Variants in GRID1 observed in about 807,000 individuals in gnomAD.
The protein encoded by GRID1 is glutamate receptor ionotropic, delta-1.
In GRID1, 28 loss-of-function variants were observed where a neutral mutation model predicts 98.0. The ratio of observed to expected loss-of-function variants is 0.29; its 90% confidence interval spans 0.21 to 0.39. GRID1 has a LOEUF of 0.39. Ranked by LOEUF, GRID1 falls within the 10% of genes least tolerant of loss-of-function variation. GRID1 has a pLI of 1.00. For synonymous variants in GRID1, 553 were observed against 538.5 expected (o/e 1.03, Z -0.37); for missense variants, 1,111 against 1,340.5 (o/e 0.83, Z 2.67).
At position 86,079,882 on chromosome 10, in the gene GRID1, G is replaced by T. The variant is rs534497254; in HGVS notation, c.726+58937C>A. 3.6e-3 allele frequency among the ~76,000 whole-genome samples: 544 copies of T among 152,244 alleles called. 2 individuals are homozygous for T. The highest frequency in any genetic ancestry group is 0.01 in the Middle Eastern group (3 of 294). ...TTTCCTTTCTGTAGACAATACTCTG[G>T]TTAACCTCCCTAGCAGTGGGTGCAA... On this transcript the variant is annotated intron_variant, in intron 4 of 15. Coordinates refer to ENST00000327946, the MANE Select transcript of GRID1 (RefSeq NM_017551.3).
chr10:85,821,154 TA>T (rs892507767), intron 8 of GRID1, among the ~76,000 whole-genome samples: 20 of 146,218 alleles, frequency 1.4e-4, no homozygotes, highest in South Asian at 2.2e-4. Context: ...GAAGAAAGAG[TA>T]AAAAAAAAGC....
intron 2 of GRID1, among the ~76,000 whole-genome samples, chr10:86,337,083 C>T (rs1164053659): frequency 6.6e-6 from 1 of 151,832 alleles, no homozygotes; most frequent in African/African-American, 2.4e-5. Context: ...GATCTCCTGA[C>T]CTCGTGATCC....
chr10:86,347,790 A>C lies in GRID1; in HGVS notation c.235+16151T>G, dbSNP rs1848406467. ...CCAAATGAGAGTTTCTGACACCAGC[A>C]TGATTATTATGACTCACATGGAGGG... On this transcript the variant is annotated intron_variant, in intron 2 of 15. Coordinates refer to ENST00000327946, the MANE Select transcript of GRID1 (RefSeq NM_017551.3). Among the ~76,000 whole-genome samples, 3 of 152,222 alleles carry C rather than the reference A, an allele frequency of 2.0e-5. No individual in the cohort carries two copies. In the South Asian group the frequency reaches 6.2e-4, roughly 32 times the overall value.
In GRID1 at chr10:86,366,362, A is replaced by T. The variant is rs2132126977; in HGVS notation, c.31T>A (p.Trp11Arg). MEALTLWLLP[W>R]ICQCVSVRAD... ...CGCACCGACACGCACTGGCATATCC[A>T]GGGGAGAAGCCACAGCGTCAGCGCT... The change falls in exon 1 of 16, where the codon TGG becomes AGG. Residue 11 changes from tryptophan (W) to arginine (R), a missense_variant. By Grantham distance (101) the Trp-to-Arg change is moderately radical. Around this residue, in one of 3 missense-constraint regions of GRID1, gnomAD observed 346 missense variants for 452.3 expected, o/e 0.76. Coordinates refer to ENST00000327946, the MANE Select transcript of GRID1 (RefSeq NM_017551.3). The surrounding 1 kb of genome is among the most constrained non-coding windows in gnomAD (Gnocchi z 4.1). 1.3e-6 allele frequency: 2 copies of T among 1,521,506 alleles called. No homozygotes were observed. Among genetic ancestry groups the T allele is most frequent in the East Asian group, 2.7e-5 (1 of 37,640 alleles). 94.3% of individuals were successfully genotyped at this position (1,521,506 alleles called of 1,614,324 possible).
At chr10:85,999,075 T>G (rs1218938244) in intron 4 of GRID1, among the ~76,000 whole-genome samples, 1 of 151,914 alleles carries the variant, frequency 6.6e-6, no homozygotes, top group Non-Finnish European at 1.5e-5. Flanking sequence ...TAGCTGGATG[T>G]GGTGGTGCAC....
intron 8 of GRID1, among the ~76,000 whole-genome samples, chr10:85,810,884 C>G (rs1370437150): frequency 2.0e-5 from 3 of 152,100 alleles, no homozygotes; most frequent in African/African-American, 7.2e-5. Context: ...GGAGTAATAA[C>G]CCAGAGACCC....
At chr10:85,819,554 T>C (rs2131749812) in intron 8 of GRID1, among the ~76,000 whole-genome samples, 1 of 152,302 alleles carries the variant, frequency 6.6e-6, no homozygotes, top group South Asian at 2.1e-4. Flanking sequence ...CCTGATATGA[T>C]ACAATGAGAA....
At chr10:85,673,259 G>C (rs564750579) in intron 12 of GRID1, among the ~76,000 whole-genome samples, 2 of 152,294 alleles carry the variant, frequency 1.3e-5, no homozygotes, top group Admixed American at 1.3e-4. Context: ...GGCTTCTTGA[G>C]ATAGAATATA....
At chr10:85,876,048 G>T (rs78569832) in intron 5 of GRID1, among the ~76,000 whole-genome samples, 1 of 152,104 alleles carries the variant, frequency 6.6e-6, no homozygotes, top group South Asian at 2.1e-4. Context: ...ATTCTAAGTC[G>T]ACTACTATTT....
intron 8 of GRID1, among the ~76,000 whole-genome samples, chr10:85,755,603 G>A (rs1842089038): frequency 6.6e-6 from 1 of 152,158 alleles, no homozygotes; most frequent in Non-Finnish European, 1.5e-5. Context: ...CAAGGAGGGC[G>A]CTCATGCTCT....
intron 5 of GRID1, among the ~76,000 whole-genome samples, chr10:85,875,038 T>C (rs1255579761): frequency 6.6e-6 from 1 of 151,928 alleles, no homozygotes; most frequent in African/African-American, 2.4e-5. Flanking sequence ...GCTATTTTTA[T>C]TTTTATTTTG....
chr10:86,249,626 C>T (rs535797950), intron 2 of GRID1, among the ~76,000 whole-genome samples: 115 of 152,254 alleles, frequency 7.6e-4, no homozygotes, highest in African/African-American at 2.7e-3. Flanking sequence ...CCCTCCCCCA[C>T]AACAGGAAGA....
intron 8 of GRID1, among the ~76,000 whole-genome samples, chr10:85,833,159 T>C (rs6585982): frequency 6.6e-6 from 1 of 151,988 alleles, no homozygotes; most frequent in Non-Finnish European, 1.5e-5. Flanking sequence ...CTCCACCCAG[T>C]GTCAGCAGGT....
chr10:86,025,465 G>A (rs1221897356), intron 4 of GRID1, among the ~76,000 whole-genome samples: 1 of 152,148 alleles, frequency 6.6e-6, no homozygotes, highest in East Asian at 1.9e-4. Flanking sequence ...CTTCCCCCTT[G>A]TAGCTTTCCT....
chr10:86,018,757 C>T (rs530517888), intron 4 of GRID1, among the ~76,000 whole-genome samples: 2 of 152,350 alleles, frequency 1.3e-5, no homozygotes, highest in East Asian at 1.9e-4. Flanking sequence ...CTTCCAGCTC[C>T]ATCTCCCTGC....
chr10:85,672,900 T>A (rs1590184223), intron 12 of GRID1, among the ~76,000 whole-genome samples: 1 of 152,206 alleles, frequency 6.6e-6, no homozygotes, highest in African/African-American at 2.4e-5. Context: ...ATACACTTCA[T>A]AAGGCTGTAG....
chr10:86,091,210 TC>T (rs1844141702), intron 4 of GRID1, among the ~76,000 whole-genome samples: 1 of 152,144 alleles, frequency 6.6e-6, no homozygotes, highest in African/African-American at 2.4e-5. Context: ...CCCTTTTCTC[TC>T]CCAGGTGGGA....
intron 2 of GRID1, among the ~76,000 whole-genome samples, chr10:86,207,395 C>T (rs1366890734): frequency 5.9e-5 from 9 of 152,162 alleles, no homozygotes; most frequent in Admixed American, 1.3e-4. Flanking sequence ...ACACAGCGGA[C>T]GCTCCAGCAG....
rs1315109532 is a variant in GRID1 at position 86,156,007 on chromosome 10, C to T, written c.521-16983G>A. On this transcript the variant is annotated intron_variant, in intron 3 of 15. Coordinates refer to ENST00000327946, the MANE Select transcript of GRID1 (RefSeq NM_017551.3). ...AGTTCCAGTCCGCAATCTGACCTTC[C>T]TAGCTGAGCACTGTCCAGCAAGCAG... Among the ~76,000 whole-genome samples the T allele has an allele frequency of 2.0e-5, 3 of 152,168 alleles. No individual in the cohort carries two copies. The East Asian group carries it at 5.8e-4, about 29-fold the overall frequency.
Sources: allele counts gnomAD v4.1 joint callset (sites outside exome capture counted in the v4.1 genomes callset), GRCh38; gene constraint gnomAD v4.1.1; regional missense constraint gnomAD v4.1.1; non-coding constraint Gnocchi (gnomAD v3.1); transcripts MANE v1.5; gene names NCBI Gene and HGNC (gene_info 2026-07-23, HGNC 2026-07-21).